Variants in SMAD6 observed in about 807,000 individuals in gnomAD.
The protein encoded by SMAD6 is MAD homolog 6.
Under a neutral mutation model 39.4 loss-of-function variants are expected in SMAD6, and 103 were observed. The ratio of observed to expected loss-of-function variants is 2.62; its 90% CI spans 2.23 to 3.08. The LOEUF (loss-of-function observed/expected upper bound fraction) is 3.08, where lower values mean the gene tolerates loss of function less well. SMAD6 is among the 30% of genes most tolerant of loss of function. The pLI, the probability that SMAD6 is intolerant of heterozygous loss-of-function variation, is 0.00. For synonymous variants in SMAD6, 445 were observed against 353.3 expected, an observed-to-expected ratio of 1.26 and a Z score of -2.91; for missense variants, 1,104 against 742.9, an observed-to-expected ratio of 1.49 and a Z score of -5.65.
intron 3 of SMAD6, among the ~76,000 whole-genome samples, chr15:66,744,777 C>T (rs1360118082): frequency 1.3e-5 from 2 of 152,186 alleles, no homozygotes; most frequent in African/African-American, 2.4e-5. Context: ...AGTGTGCTGC[C>T]CACAGCCCTC....
At chr15:66,761,306 G>A (rs1894194898) in intron 3 of SMAD6, among the ~76,000 whole-genome samples, 1 of 152,188 alleles carries the variant, frequency 6.6e-6, no homozygotes, top group Admixed American at 6.5e-5. Flanking sequence ...AGACTTTCTG[G>A]AAACCAAGCT....
At position 66,781,268 on chromosome 15, in the gene SMAD6, C is replaced by T; in HGVS notation, c.1224C>T (p.His408=). The part of the protein sequence containing the change: ...DGVWAYNRGE[H]PIFVNSPTLD... ...TGTGGGCCTACAACCGCGGCGAGCA[C>T]CCCATCTTCGTCAACTCCCCGACGC... The change falls in exon 4 of 4, where the codon CAC becomes CAT. Residue 408 remains histidine, a synonymous_variant. Transcript: ENST00000288840. The T allele has an allele frequency of 1.9e-6, 3 of 1,607,680 alleles. No individual in the cohort carries two copies. The highest frequency in any genetic ancestry group is 2.5e-6 in the Non-Finnish European group (3 of 1,178,920).
intron 3 of SMAD6, among the ~76,000 whole-genome samples, chr15:66,777,774 A>G (rs2140677464): frequency 6.6e-6 from 1 of 152,122 alleles, no homozygotes; most frequent in East Asian, 1.9e-4. Flanking sequence ...AATTTGGGAG[A>G]CATGGCCAGG....
chr15:66,719,967 T>A (rs1433070187), intron 3 of SMAD6, among the ~76,000 whole-genome samples: 1 of 152,154 alleles, frequency 6.6e-6, no homozygotes, highest in Non-Finnish European at 1.5e-5. Flanking sequence ...CTGGAGACCT[T>A]ACACCTGGAG....
At chr15:66,757,274 C>T (rs1042695289) in intron 3 of SMAD6, among the ~76,000 whole-genome samples, 2 of 152,162 alleles carry the variant, frequency 1.3e-5, no homozygotes, top group African/African-American at 4.8e-5. Flanking sequence ...TGTGCAGCCC[C>T]GACGTCTCCC....
At chr15:66,705,989 T>C (rs1353452025) in intron 1 of SMAD6, 1 of 152,206 alleles carries the variant, frequency 6.6e-6, no homozygotes, top group Non-Finnish European at 1.5e-5. Flanking sequence ...GTTCAGGTGG[T>C]TGGGCAGGGA....
chr15:66,782,662 C>G lies in SMAD6; in HGVS notation c.*1127C>G, dbSNP rs1894598747. ...TTAGAAGTTACATGGAATTGTAGGACCAGAGCCATATCATTAGATCAGCTT... is the reference window on the plus strand; with the variant it reads ...TTAGAAGTTACATGGAATTGTAGGAGCAGAGCCATATCATTAGATCAGCTT... On this transcript the variant is annotated 3_prime_UTR_variant, in exon 4 of 4. Transcript: ENST00000288840. The G allele has an allele frequency of 6.6e-6, 1 of 152,142 alleles. No homozygotes were observed. The allele number at this position is 152,142 out of a possible 1,614,324, so 9.4% of individuals were successfully genotyped here.
At position 66,781,256 on chromosome 15, in the gene SMAD6, C is replaced by G; in HGVS notation, c.1212C>G (p.Asn404Lys). Residue 404 changes from asparagine (N) to lysine (K), a missense_variant, in exon 4 of 4, where the codon AAC (asparagine) becomes AAG (lysine). Physicochemically the swap from Asn to Lys is moderately conservative, Grantham distance 94. Transcript: ENST00000288840. ...SKEPDGVWAY[N>K]RGEHPIFVNS... ...AGCCCGACGGCGTGTGGGCCTACAA[C>G]CGCGGCGAGCACCCCATCTTCGTCA... is the stretch of plus-strand genomic sequence containing the variant. 1 of 1,608,232 alleles carries G rather than the reference C, an allele frequency of 6.2e-7. No individual in the cohort carries two copies. The highest frequency in any genetic ancestry group is 1.1e-5 in the South Asian group (1 of 91,064).
In SMAD6 at chr15:66,708,989, G is replaced by A. The variant is rs12915166; in HGVS notation, c.818-2679G>A. ...TATTGGTCTGTAACTGGCCTCCCCT[G>A]TAACACCTGCAGCTACCTTCATGTG... is the stretch of plus-strand genomic sequence containing the variant. On this transcript the variant is annotated intron_variant, in intron 1 of 3. Transcript: ENST00000288840. 0.44 allele frequency among the ~76,000 whole-genome samples: 67,609 copies of A among 152,066 alleles called. 15,201 individuals are homozygous for A. The highest frequency in any genetic ancestry group is 0.59 in the Middle Eastern group (173 of 294).
chr15:66,753,696 C>G (rs759060744), intron 3 of SMAD6, among the ~76,000 whole-genome samples: 2 of 152,242 alleles, frequency 1.3e-5, no homozygotes, highest in East Asian at 1.9e-4. Flanking sequence ...CCTCAGGCCT[C>G]CCTTCCTCAA....
At chr15:66,739,096 T>C (rs1373952392) in intron 3 of SMAD6, among the ~76,000 whole-genome samples, 9 of 150,680 alleles carry the variant, frequency 6.0e-5, no homozygotes, top group Non-Finnish European at 1.3e-4. Flanking sequence ...CTTCTTTTTT[T>C]TTTTTTTTTA....
chr15:66,720,018 T>G (rs1238468624), intron 3 of SMAD6, among the ~76,000 whole-genome samples: 1 of 152,098 alleles, frequency 6.6e-6, no homozygotes, highest in Non-Finnish European at 1.5e-5. Flanking sequence ...CCTAGAACTT[T>G]TGGGGTACCT....
intron 3 of SMAD6, among the ~76,000 whole-genome samples, chr15:66,755,560 G>C (rs1275228588): frequency 2.0e-5 from 3 of 152,188 alleles, no homozygotes; most frequent in African/African-American, 7.2e-5. Flanking sequence ...TAGCTATGAA[G>C]GGAGAGGTTG....
chr15:66,727,530 C>T (rs1893543710), intron 3 of SMAD6, among the ~76,000 whole-genome samples: 1 of 152,152 alleles, frequency 6.6e-6, no homozygotes, highest in Admixed American at 6.5e-5. Flanking sequence ...GCTTAGGAAA[C>T]TGTTGGGCAA....
chr15:66,746,359 T>C (rs1248198873), intron 3 of SMAD6, among the ~76,000 whole-genome samples: 1 of 152,136 alleles, frequency 6.6e-6, no homozygotes, highest in Non-Finnish European at 1.5e-5. Flanking sequence ...ACGTGTGGGC[T>C]GGGACGTGTG....
intron 2 of SMAD6, among the ~76,000 whole-genome samples, chr15:66,713,422 C>T (rs56410822): frequency 2.8e-4 from 43 of 152,282 alleles, no homozygotes; most frequent in African/African-American, 8.4e-4. Flanking sequence ...CGGGTTCAAG[C>T]GATTCTTCTG....
In SMAD6 at chr15:66,781,364, C is replaced by G. The variant is rs768072926; in HGVS notation, c.1320C>G (p.Asp440Glu). The change falls in exon 4 of 4, where the codon GAC becomes GAG. Residue 440 changes from aspartate to glutamate, a missense_variant. Transcript: ENST00000288840. ...CCGGCTACTCCATCAAGGTGTTCGA[C>G]TTCGAGCGCTCGGGCCTGCAGCACG... Reference protein sequence around the residue: ...VPPGYSIKVFDFERSGLQHAP... With the variant: ...VPPGYSIKVFEFERSGLQHAP... 1.2e-6 allele frequency: 2 copies of G among 1,600,306 alleles called. No homozygotes were observed. Among genetic ancestry groups the G allele is most frequent in the African/African-American group, 1.3e-5 (1 of 74,866 alleles).
chr15:66,706,538 C>T (rs1361890110), intron 1 of SMAD6: 1 of 152,410 alleles, frequency 6.6e-6, no homozygotes, highest in Non-Finnish European at 1.5e-5. Context: ...CGCTTGGCCG[C>T]CAGCTTGGCT....
At chr15:66,761,663 A>C (rs1249967956) in intron 3 of SMAD6, among the ~76,000 whole-genome samples, 4 of 152,114 alleles carry the variant, frequency 2.6e-5, no homozygotes, top group African/African-American at 9.7e-5. Flanking sequence ...CTCCTGGATG[A>C]CCTTGGATGA....
Sources: allele counts gnomAD v4.1 joint callset (sites outside exome capture counted in the v4.1 genomes callset), GRCh38; gene constraint gnomAD v4.1.1; transcripts MANE v1.5; gene names NCBI Gene and HGNC (gene_info 2026-07-23, HGNC 2026-07-21).